Variants in MAP2K5 observed in about 807,000 individuals in gnomAD.
The protein encoded by MAP2K5 is dual specificity mitogen-activated protein kinase kinase 5.
Under a neutral mutation model 83.1 loss-of-function variants are expected in MAP2K5, and 49 were observed. That is an observed-to-expected ratio of 0.59 (90% confidence interval 0.47 to 0.75). MAP2K5 has a LOEUF of 0.75. Among genes scored for constraint, MAP2K5 ranks in the 30% least tolerant of loss-of-function variants. MAP2K5 has a pLI of 0.00. For missense variants in MAP2K5, 457 were observed against 557.5 expected, an observed-to-expected ratio of 0.82 and a Z score of 1.82; for synonymous variants, 202 against 191.8, an observed-to-expected ratio of 1.05 and a Z score of -0.44.
chr15:67,548,626 G>A (rs62015107), intron 1 of MAP2K5, among the ~76,000 whole-genome samples: 2,398 of 152,294 alleles, frequency 0.016, 39 homozygotes, highest in African/African-American at 0.034. Flanking sequence ...CTAGCATCCA[G>A]CTGTAGCTGT....
At chr15:67,558,438 C>G (rs1245336045) in intron 2 of MAP2K5, among the ~76,000 whole-genome samples, 1 of 152,186 alleles carries the variant, frequency 6.6e-6, no homozygotes, top group Non-Finnish European at 1.5e-5. Flanking sequence ...AAACTGGTCT[C>G]CCTGTTCTAC....
At chr15:67,743,254 G>A (rs1471737841) in intron 17 of MAP2K5, among the ~76,000 whole-genome samples, 1 of 152,180 alleles carries the variant, frequency 6.6e-6, no homozygotes, top group Non-Finnish European at 1.5e-5. Flanking sequence ...TGCGAGAATC[G>A]TTGGTTCCTT....
chr15:67,674,315 A>G (rs2087625306), intron 13 of MAP2K5, among the ~76,000 whole-genome samples: 1 of 152,090 alleles, frequency 6.6e-6, no homozygotes, highest in Non-Finnish European at 1.5e-5. Flanking sequence ...GTCTGGAAGG[A>G]GGCATTTATG....
rs796376928 is a variant in MAP2K5 at position 67,590,434 on chromosome 15, TCTCC to T, written c.432-2480_432-2477del. Among the ~76,000 whole-genome samples, 285 of 69,952 alleles carry T rather than the reference TCTCC, an allele frequency of 4.1e-3. 57 individuals carry two copies. The highest frequency in any genetic ancestry group is 5.1e-3 in the African/African-American group (91 of 17,720). 45.9% of individuals were successfully genotyped at this position (69,952 alleles called of 152,430 possible). ...CCCTCTCTCCCTCCCTCCCTCTCTC[TCTCC>T]CTCCCTCCCTCTCTCTCTCTCTCTC... On this transcript the variant is annotated intron_variant, in intron 6 of 21. Coordinates refer to ENST00000178640, the MANE Select transcript of MAP2K5 (RefSeq NM_145160.3).
At position 67,565,173 on chromosome 15, in the gene MAP2K5, T is replaced by C. The variant is rs2084812272; in HGVS notation, c.252+1823T>C. ...CCAAGCTGTTGCTCATTTACTGTTT[T>C]ACACTGTCTCTCCCCCACCTTCCTC... On this transcript the variant is annotated intron_variant, in intron 3 of 21. Coordinates refer to ENST00000178640, the MANE Select transcript of MAP2K5 (RefSeq NM_145160.3). This position sits in a 1 kb window ranked among gnomAD's most constrained non-coding sequence, Gnocchi z 4.1. 6.6e-6 allele frequency among the ~76,000 whole-genome samples: 1 copy of C among 152,210 alleles called. No individual in the cohort carries two copies. The highest frequency in any genetic ancestry group is 2.4e-5 in the African/African-American group (1 of 41,452).
rs1228534901 is a variant in MAP2K5, at chr15:67,777,417, A to G, written c.1242+4665A>G. Among the ~76,000 whole-genome samples the G allele has an allele frequency of 6.6e-6, 1 of 152,224 alleles. No homozygotes were observed. Among genetic ancestry groups the G allele is most frequent in the African/African-American group, 2.4e-5 (1 of 41,456 alleles). On this transcript the variant is annotated intron_variant, in intron 21 of 21. Coordinates refer to ENST00000178640, the MANE Select transcript of MAP2K5 (RefSeq NM_145160.3). The surrounding 1 kb of genome is among the most constrained non-coding windows in gnomAD (Gnocchi z 6.0). ...CATAGTAAGTAATCAGGTCAGAAGA[A>G]GCAGCATCCCGGTTTGAGATCAATC... is the stretch of plus-strand genomic sequence containing the variant.
chr15:67,629,245 C>T, intron 8 of MAP2K5: 1 of 611,068 alleles, frequency 1.6e-6, no homozygotes, highest in Non-Finnish European at 3.0e-6. Context: ...GTGGCAGGGC[C>T]TAGCTGCTAC....
intron 21 of MAP2K5, among the ~76,000 whole-genome samples, chr15:67,799,775 G>C (rs1482999008): frequency 6.6e-6 from 1 of 152,224 alleles, no homozygotes. Flanking sequence ...AGGCTCAGGA[G>C]TGTTACAACA....
At position 67,708,160 on chromosome 15, in the gene MAP2K5, A is replaced by G. The variant is rs374017078; in HGVS notation, c.1044+4752A>G. The stretch of plus-strand genomic sequence containing the variant: ...GCAAGACTCCATCTCTAAAAAAACA[A>G]TTTTTTTTTTCATTTAGCCAGGAAT... On this transcript the variant is annotated intron_variant, in intron 16 of 21. Coordinates refer to ENST00000178640, the MANE Select transcript of MAP2K5 (RefSeq NM_145160.3). The surrounding 1 kb of genome is among the most constrained non-coding windows in gnomAD (Gnocchi z 4.9). 1.5e-4 allele frequency among the ~76,000 whole-genome samples: 23 copies of G among 149,954 alleles called. No homozygotes were observed. The South Asian group carries it at 4.5e-3, about 29-fold the overall frequency.
chr15:67,634,323 G>A (rs1360032467), intron 9 of MAP2K5, among the ~76,000 whole-genome samples: 1 of 123,392 alleles, frequency 8.1e-6, no homozygotes, highest in Non-Finnish European at 1.6e-5. Flanking sequence ...AGCCATGATT[G>A]CACCACTGCA....
At chr15:67,605,090 G>C (rs2085751787) in intron 8 of MAP2K5, among the ~76,000 whole-genome samples, 1 of 144,680 alleles carries the variant, frequency 6.9e-6, no homozygotes, top group Non-Finnish European at 1.5e-5. Flanking sequence ...GTCTCGCTCT[G>C]TCGCCAGGCT....
chr15:67,586,774 G>A (rs984524500), intron 5 of MAP2K5, 72 bp from the exon 6 acceptor site: 111 of 1,393,486 alleles, frequency 8.0e-5, no homozygotes, highest in Non-Finnish European at 8.7e-5. Flanking sequence ...AGAAATTTGT[G>A]GCAAATTATA....
At chr15:67,691,899 T>C (rs1358176374) in intron 13 of MAP2K5, among the ~76,000 whole-genome samples, 1 of 152,220 alleles carries the variant, frequency 6.6e-6, no homozygotes, top group Admixed American at 6.5e-5. Context: ...TATATACACA[T>C]CTTTTAGATA....
chr15:67,673,136 G>A (rs1360980240), intron 13 of MAP2K5, among the ~76,000 whole-genome samples: 1 of 152,074 alleles, frequency 6.6e-6, no homozygotes, highest in Non-Finnish European at 1.5e-5. Flanking sequence ...GATTGACTTG[G>A]CAATGCGGTC....
Position 67,769,772 on chromosome 15 carries a change from AGGGACTTCG to A in MAP2K5, c.1196+113_1196+121del, listed in dbSNP as rs1247565455. On this transcript the variant is annotated intron_variant, in intron 20 of 21. Transcript: ENST00000178640. The surrounding 1 kb of genome is among the most constrained non-coding windows in gnomAD (Gnocchi z 5.2). ...CTCCCTGCATCCTTTTGGAGACAGGAGGGACTTCGGGGCCTTGGGCAGATGGGGCAGCAA... is the reference window on the plus strand; with the variant it reads ...CTCCCTGCATCCTTTTGGAGACAGGAGGGCCTTGGGCAGATGGGGCAGCAA... 9.0e-7 allele frequency: 1 copy of A among 1,106,966 alleles called. No individual in the cohort carries two copies. The highest frequency in any genetic ancestry group is 1.3e-6 in the Non-Finnish European group (1 of 743,408). 68.6% of individuals were successfully genotyped at this position (1,106,966 alleles called of 1,614,324 possible).
intron 8 of MAP2K5, among the ~76,000 whole-genome samples, chr15:67,610,007 T>C (rs2085882095): frequency 6.6e-6 from 1 of 152,118 alleles, no homozygotes; most frequent in Admixed American, 6.6e-5. Context: ...GTTACCCTCT[T>C]TTTACTTATG....
chr15:67,603,298 C>G (rs1307073352), intron 8 of MAP2K5, among the ~76,000 whole-genome samples: 1 of 152,126 alleles, frequency 6.6e-6, no homozygotes, highest in Non-Finnish European at 1.5e-5. Context: ...TTAATTAGGG[C>G]TACTATGTCA....
intron 17 of MAP2K5, 64 bp downstream of exon 17, chr15:67,728,009 G>T: frequency 7.6e-7 from 1 of 1,324,196 alleles, no homozygotes. Flanking sequence ...AAGGTGCAGG[G>T]AGCAATTGTG....
chr15:67,613,531 A>G (rs1283442206), intron 8 of MAP2K5, among the ~76,000 whole-genome samples: 1 of 152,200 alleles, frequency 6.6e-6, no homozygotes, highest in East Asian at 1.9e-4. Flanking sequence ...GAAACTAGCC[A>G]TGATGATATC....
Sources: allele counts gnomAD v4.1 joint callset (sites outside exome capture counted in the v4.1 genomes callset), GRCh38; gene constraint gnomAD v4.1.1; non-coding constraint Gnocchi (gnomAD v3.1); transcripts MANE v1.5; gene names NCBI Gene and HGNC (gene_info 2026-07-23, HGNC 2026-07-21).